The following ITPRID2 variants were observed in gnomAD, a reference collection of about 807,000 sequenced individuals.
ITPRID2 encodes protein ITPRID2.
Under a neutral mutation model 124.3 loss-of-function variants are expected in ITPRID2, and 60 were observed. The observed-to-expected ratio is 0.48, with a 90% CI of 0.39 to 0.60. The LOEUF (loss-of-function observed/expected upper bound fraction) is 0.60. Ranked by LOEUF, ITPRID2 falls within the 20% of genes least tolerant of loss-of-function variation. The pLI, the probability that ITPRID2 is intolerant of heterozygous loss-of-function variation, is 0.00. For synonymous variants in ITPRID2, 521 were observed against 542.9 expected, an observed-to-expected ratio of 0.96 and a Z score of 0.56; for missense variants, 1,553 against 1,512.2, an observed-to-expected ratio of 1.03 and a Z score of -0.45.
At position 181,915,624 on chromosome 2, in the gene ITPRID2, A is replaced by C; in HGVS notation, c.1984A>C (p.Ile662Leu). 1 of 1,614,228 alleles carries C rather than the reference A, an allele frequency of 6.2e-7. No homozygotes were observed. The highest frequency in any genetic ancestry group is 8.5e-7 in the Non-Finnish European group (1 of 1,180,034). The change falls in exon 11 of 18, where the codon ATT becomes CTT. Residue 662 changes from isoleucine to leucine, a missense_variant. Ile to Leu is a conservative substitution (Grantham distance 5). Transcript: ENST00000431877. ...ATTTACTCAGTATACCACACACCAT[A>C]TTCTGAAATCATTGGCTTCTATTGA... ...SEFTQYTTHHILKSLASIEAK... is the reference protein window; with the variant it reads ...SEFTQYTTHHLLKSLASIEAK...
chr2:181,903,803 G>C (rs6744556), intron 8 of ITPRID2, among the ~76,000 whole-genome samples: 10,899 of 151,740 alleles, frequency 0.072, 653 homozygotes, highest in African/African-American at 0.16. Context: ...TAAAACCTCT[G>C]TTTGTTCTTT....
chr2:181,929,350 T>C (rs1297999745), intron 17 of ITPRID2, among the ~76,000 whole-genome samples: 2 of 152,136 alleles, frequency 1.3e-5, no homozygotes, highest in Non-Finnish European at 2.9e-5. Context: ...GAAAGTATTT[T>C]AATAAATTAT....
At position 181,902,217 on chromosome 2, in the gene ITPRID2, C is replaced by T. The variant is rs1256155621; in HGVS notation, c.1164C>T (p.Asn388=). ...RISDEANSNF[N]QGTENEQSKE... Reference sequence around the variant, plus strand: ...CTGATGAAGCAAATAGTAATTTTAACCAAGGAACTGAAAATGAACAAAGTA... The same window carrying T: ...CTGATGAAGCAAATAGTAATTTTAATCAAGGAACTGAAAATGAACAAAGTA... The change falls in exon 8 of 18, where the codon AAC becomes AAT. Residue 388 remains asparagine (N), a synonymous_variant. Transcript: ENST00000431877. This position sits in a 1 kb window ranked among gnomAD's most constrained non-coding sequence, Gnocchi z 4.4. The T allele has an allele frequency of 4.3e-6, 7 of 1,613,060 alleles. No individual in the cohort carries two copies. Among genetic ancestry groups the T allele is most frequent in the Non-Finnish European group, 5.9e-6 (7 of 1,179,552 alleles).
rs559522994 is a variant in ITPRID2, at chr2:181,905,751, T to G, written c.1413+3285T>G. ...TCATACTAATTATTGATTTAACTAATGTACTTGACTTCTCATTTTTAGCTG... is the reference window on the plus strand; with the variant it reads ...TCATACTAATTATTGATTTAACTAAGGTACTTGACTTCTCATTTTTAGCTG... On this transcript the variant is annotated intron_variant, in intron 8 of 17. Transcript: ENST00000431877. The surrounding 1 kb of genome is among the most constrained non-coding windows in gnomAD (Gnocchi z 4.1). Among the ~76,000 whole-genome samples the G allele has an allele frequency of 6.6e-6, 1 of 152,364 alleles. No homozygotes were observed. Among genetic ancestry groups the G allele is most frequent in the South Asian group, 2.1e-4 (1 of 4,828 alleles).
chr2:181,919,226 T>C lies in ITPRID2; in HGVS notation c.2994-70T>C. ...GCCTTCTGTTAGCATATAGTAGTTG[T>C]TGAAAGATTTGTGATTAGGAATCTC... On this transcript the variant is annotated intron_variant, in intron 13 of 17. Coordinates refer to ENST00000431877, the MANE Select transcript of ITPRID2 (RefSeq NM_001130445.3). This position sits in a 1 kb window ranked among gnomAD's most constrained non-coding sequence, Gnocchi z 4.2. 6.4e-7 allele frequency: 1 copy of C among 1,562,544 alleles called. No homozygotes were observed. The highest frequency in any genetic ancestry group is 8.7e-7 in the Non-Finnish European group (1 of 1,143,732).
In ITPRID2 at chr2:181,902,480, T is replaced by G; in HGVS notation, c.1413+14T>G. The G allele has an allele frequency of 6.7e-7, 1 of 1,491,006 alleles. No homozygotes were observed. The highest frequency in any genetic ancestry group is 1.4e-5 in the African/African-American group (1 of 70,542). The allele number at this position is 1,491,006 out of a possible 1,614,324, so 92.4% of individuals were successfully genotyped here. A position where few individuals can be genotyped will look rare whatever the true frequency, so the allele number is the denominator to read the frequency against. On this transcript the variant is annotated intron_variant, in intron 8 of 17. Transcript: ENST00000431877. The surrounding 1 kb of genome is among the most constrained non-coding windows in gnomAD (Gnocchi z 4.4). ...GAAATGGAAGAGGTAGGTAAAAAATTACTGAGACTGGTTTCAAGTTGCAGA... is the reference window on the plus strand; with the variant it reads ...GAAATGGAAGAGGTAGGTAAAAAATGACTGAGACTGGTTTCAAGTTGCAGA...
At position 181,920,586 on chromosome 2, in the gene ITPRID2, T is replaced by G. The variant is rs1177932226; in HGVS notation, c.3145-11T>G. The G allele has an allele frequency of 6.2e-7, 1 of 1,607,910 alleles. No homozygotes were observed. Among genetic ancestry groups the G allele is most frequent in the Non-Finnish European group, 8.5e-7 (1 of 1,174,944 alleles). Reference sequence around the variant, plus strand: ...CACATATACATATATATATTGTTCTTACCTTTTCAGGGAATGTGTGGCAGT... The same window carrying G: ...CACATATACATATATATATTGTTCTGACCTTTTCAGGGAATGTGTGGCAGT... On this transcript the variant is annotated splice_polypyrimidine_tract_variant and intron_variant, in intron 14 of 17. Coordinates refer to ENST00000431877, the MANE Select transcript of ITPRID2 (RefSeq NM_001130445.3).
intron 16 of ITPRID2, among the ~76,000 whole-genome samples, chr2:181,926,824 A>T (rs182213773): frequency 1.3e-5 from 2 of 152,290 alleles, no homozygotes; most frequent in South Asian, 4.1e-4. Context: ...GACTGGAAAG[A>T]CTATACTCAT....
intron 8 of ITPRID2, among the ~76,000 whole-genome samples, chr2:181,903,236 T>C (rs1692825502): frequency 6.6e-6 from 1 of 152,198 alleles, no homozygotes; most frequent in African/African-American, 2.4e-5. Flanking sequence ...CTGGGCACTG[T>C]TCTTGGCTCT....
rs939909901 is a variant in ITPRID2, at chr2:181,907,478, T to G, written c.1414-2421T>G. ...TTTTTTTTTATATTATGAAACAGTT[T>G]TGTTATGAAAAGTTTCAAACTTACT... On this transcript the variant is annotated intron_variant, in intron 8 of 17. Coordinates refer to ENST00000431877, the MANE Select transcript of ITPRID2 (RefSeq NM_001130445.3). This position sits in a 1 kb window ranked among gnomAD's most constrained non-coding sequence, Gnocchi z 5.1. Among the ~76,000 whole-genome samples the G allele has an allele frequency of 6.6e-6, 1 of 152,068 alleles. No homozygotes were observed. Among genetic ancestry groups the G allele is most frequent in the Non-Finnish European group, 1.5e-5 (1 of 68,016 alleles).
Position 181,922,177 on chromosome 2 carries a change from A to G in ITPRID2, c.3440A>G (p.Lys1147Arg). The change falls in exon 16 of 18, where the codon AAA becomes AGA. Residue 1147 changes from lysine to arginine, a missense_variant. Coordinates refer to ENST00000431877, the MANE Select transcript of ITPRID2 (RefSeq NM_001130445.3). The stretch of plus-strand genomic sequence containing the variant: ...AAAACCCCATTAGTGGCAAGGAAGA[A>G]AGTGTTCCGAGCATCGGTGGCTCTA... Reference protein sequence around the residue: ...KSKTPLVARKKVFRASVALTP... With the variant: ...KSKTPLVARKRVFRASVALTP... The G allele has an allele frequency of 6.2e-7, 1 of 1,614,220 alleles. No individual in the cohort carries two copies. Among genetic ancestry groups the G allele is most frequent in the South Asian group, 1.1e-5 (1 of 91,090 alleles).
chr2:181,914,566 A>G (rs75538001), intron 10 of ITPRID2, among the ~76,000 whole-genome samples: 9,268 of 152,274 alleles, frequency 0.061, 450 homozygotes, highest in African/African-American at 0.12. Flanking sequence ...TAATTAAGTG[A>G]ACAGAAACAC....
chr2:181,913,862 G>A lies in ITPRID2; in HGVS notation c.1504G>A (p.Ala502Thr). ...ATTCATAGATCATCTGTTACGTACT[G>A]CAAGTCAGCATTCCGATAGCAGTGG... ...KSKRDHLLRTASQHSDSSGFA... is the reference protein window; with the variant it reads ...KSKRDHLLRTTSQHSDSSGFA... Residue 502 changes from alanine to threonine, a missense_variant, in exon 10 of 18, where the codon GCA becomes ACA. Transcript: ENST00000431877. 6.2e-7 allele frequency: 1 copy of A among 1,612,906 alleles called. No homozygotes were observed. Among genetic ancestry groups the A allele is most frequent in the South Asian group, 1.1e-5 (1 of 90,958 alleles).
Position 181,916,131 on chromosome 2 carries a change from T to C in ITPRID2, c.2491T>C (p.Cys831Arg), listed in dbSNP as rs1694021284. 6.2e-7 allele frequency: 1 copy of C among 1,614,134 alleles called. No individual in the cohort carries two copies. Among genetic ancestry groups the C allele is most frequent in the African/African-American group, 1.3e-5 (1 of 74,936 alleles). Reference sequence around the variant, plus strand: ...ATGCCATCATGGAAGGACTCCTACCTGTTCACGGCTTGCTCCACCACCAAT... The same window carrying C: ...ATGCCATCATGGAAGGACTCCTACCCGTTCACGGCTTGCTCCACCACCAAT... ...EECHHGRTPT[C>R]SRLAPPPMSQ... Residue 831 changes from cysteine (C) to arginine (R), a missense_variant, in exon 11 of 18, where the codon TGT becomes CGT. Physicochemically the swap from Cys to Arg is radical, Grantham distance 180. Transcript: ENST00000431877.
chr2:181,892,172 G>A lies in ITPRID2; in HGVS notation c.106G>A (p.Ala36Thr), dbSNP rs1241198389. The change falls in exon 1 of 18, where the codon GCG becomes ACG. Residue 36 changes from alanine (A) to threonine (T), a missense_variant. Physicochemically the swap from Ala to Thr is moderately conservative, Grantham distance 58. Coordinates refer to ENST00000431877, the MANE Select transcript of ITPRID2 (RefSeq NM_001130445.3). The surrounding 1 kb of genome is among the most constrained non-coding windows in gnomAD (Gnocchi z 5.2). ...AWAKCRSSWQ[A>T]SETEDLSTEA... ...GGCCAAGTGCCGCAGCTCCTGGCAA[G>A]CGTCGGAGACGGAGGATCTGTCCAC... 2 of 1,554,430 alleles carry A rather than the reference G, an allele frequency of 1.3e-6. No individual in the cohort carries two copies. Among genetic ancestry groups the A allele is most frequent in the Non-Finnish European group, 8.7e-7 (1 of 1,148,986 alleles).
chr2:181,900,702 A>G lies in ITPRID2; in HGVS notation c.510A>G (p.Ser170=). The G allele has an allele frequency of 6.3e-7, 1 of 1,599,790 alleles. No homozygotes were observed. Among genetic ancestry groups the G allele is most frequent in the Non-Finnish European group, 8.5e-7 (1 of 1,174,768 alleles). ...TTGCCCCCTTTTTTTGTAGTGTTTCAGAATTGTTGGAACTTTATGAGGAAG... is the reference window on the plus strand; with the variant it reads ...TTGCCCCCTTTTTTTGTAGTGTTTCGGAATTGTTGGAACTTTATGAGGAAG... ...GKSSGTVSSV[S]ELLELYEEDP... is the part of the protein sequence containing the mutation. The change falls in exon 7 of 18, where the codon TCA becomes TCG. Residue 170 remains serine, a synonymous_variant. Transcript: ENST00000431877.
intron 4 of ITPRID2, 88 bp from the exon 5 acceptor site, chr2:181,898,792 G>A (rs1434107405): frequency 2.2e-6 from 2 of 914,612 alleles, no homozygotes; most frequent in Non-Finnish European, 3.6e-6. Context: ...TTCTAATATT[G>A]TAGGTAATTA....
In ITPRID2 at chr2:181,919,398, G is replaced by A. The variant is rs749374828; in HGVS notation, c.3096G>A (p.Gln1032=). The A allele has an allele frequency of 1.2e-6, 2 of 1,613,622 alleles. No individual in the cohort carries two copies. The highest frequency in any genetic ancestry group is 2.2e-5 in the East Asian group (1 of 44,884). The change falls in exon 14 of 18, where the codon CAG becomes CAA. Residue 1032 remains glutamine, a synonymous_variant. Transcript: ENST00000431877. The surrounding 1 kb of genome is among the most constrained non-coding windows in gnomAD (Gnocchi z 4.2). The part of the protein sequence containing the change: ...LEERLLGLEE[Q]LRAVRMPSPF... ...AGCGCCTGCTGGGCCTGGAGGAGCA[G>A]CTTCGTGCTGTGCGCATGCCTTCAC...
At chr2:181,898,397 T>G (rs1312425645) in intron 4 of ITPRID2, among the ~76,000 whole-genome samples, 1 of 152,048 alleles carries the variant, frequency 6.6e-6, no homozygotes, top group African/African-American at 2.4e-5. Flanking sequence ...AGTAGAAATT[T>G]TCATGTTATA....
Sources: allele counts gnomAD v4.1 joint callset (sites outside exome capture counted in the v4.1 genomes callset), GRCh38; gene constraint gnomAD v4.1.1; non-coding constraint Gnocchi (gnomAD v3.1); transcripts MANE v1.5; gene names NCBI Gene and HGNC (gene_info 2026-07-23, HGNC 2026-07-21).